Variants in GDAP1 observed in about 807,000 individuals in gnomAD.
The protein encoded by GDAP1 is ganglioside induced differentiation associated protein 1, also known as ganglioside-induced differentiation-associated protein 1.
In GDAP1, 34 loss-of-function variants were observed where a neutral mutation model predicts 40.1. The observed-to-expected ratio is 0.85, with a 90% CI of 0.64 to 1.13. The LOEUF (loss-of-function observed/expected upper bound fraction) is 1.13. Ranked by LOEUF, GDAP1 falls within the 50% of genes most tolerant of loss-of-function variation. The pLI, the probability that GDAP1 is intolerant of heterozygous loss-of-function variation, is 0.00. For missense variants in GDAP1, 374 were observed against 433.7 expected (o/e 0.86, Z 1.22); for synonymous variants, 170 against 157.4 (o/e 1.08, Z -0.60).
Position 74,398,180 on chromosome 8 carries a change from T to A in GDAP1, c.165+46859T>A, listed in dbSNP as rs184524329. On this transcript the variant is annotated intron_variant, in intron 2 of 2. Coordinates refer to the GDAP1 transcript ENST00000523640. ...TTTGTCTGTTATTGGTGTATAAGAA[T>A]GCTTGTGATTTTTGTACATGTTCAT... Among the ~76,000 whole-genome samples, 14 of 152,328 alleles carry A rather than the reference T, an allele frequency of 9.2e-5. No individual in the cohort carries two copies. The East Asian group carries it at 2.7e-3, about 29-fold the overall frequency.
At chr8:74,422,332 TCTTTCTTTCTTTCTTTCTTC>T (rs1349149314) in intron 2 of GDAP1, among the ~76,000 whole-genome samples, 105 of 64,302 alleles carry the variant, frequency 1.6e-3, no homozygotes, top group African/African-American at 6.1e-3. Context: ...TTTCTTTCTT[TCTTTCTTTCTTTCTTTCTTC>T]CCTTCCTTCC....
intron 2 of GDAP1, among the ~76,000 whole-genome samples, chr8:74,428,633 A>ATTT (rs1195348725): frequency 0.071 from 3,058 of 42,800 alleles, 964 homozygotes; most frequent in African/African-American, 0.19. Flanking sequence ...CACCCGGCTA[A>ATTT]TTTTTTTTTT....
chr8:74,442,089 A>G (rs1806169061), intron 2 of GDAP1, among the ~76,000 whole-genome samples: 3 of 152,222 alleles, frequency 2.0e-5, no homozygotes, highest in Non-Finnish European at 1.5e-5. Context: ...AAAAACTGTT[A>G]AGCTAAGTTA....
chr8:74,401,897 C>G (rs1810348294), intron 2 of GDAP1, among the ~76,000 whole-genome samples: 1 of 150,082 alleles, frequency 6.7e-6, no homozygotes, highest in South Asian at 2.1e-4. Context: ...ATGCTGCTGT[C>G]TGATCGTTCC....
chr8:74,361,864 CA>C lies in GDAP1; in HGVS notation c.485-16del. The C allele has an allele frequency of 7.1e-7, 1 of 1,400,114 alleles. No homozygotes were observed. Among genetic ancestry groups the C allele is most frequent in the African/African-American group, 1.4e-5 (1 of 71,914 alleles). The allele number at this position is 1,400,114 out of a possible 1,614,324, so 86.7% of individuals were successfully genotyped here. A position where few individuals can be genotyped will look rare whatever the true frequency, so the allele number is the denominator to read the frequency against. ...AAGGGAGAAAATAATTTTCTGTTTC[CA>C]AAATGTTTTTATTATCAGGCCAAAT... On this transcript the variant is annotated intron_variant, in intron 3 of 5. Transcript: ENST00000220822.
intron 2 of GDAP1, among the ~76,000 whole-genome samples, chr8:74,461,501 C>A (rs1806399849): frequency 6.6e-6 from 1 of 152,172 alleles, no homozygotes; most frequent in Non-Finnish European, 1.5e-5. Flanking sequence ...CAACACAATT[C>A]AAAGTGCCCA....
chr8:74,424,321 G>A (rs1284063390), intron 2 of GDAP1, among the ~76,000 whole-genome samples: 6 of 152,098 alleles, frequency 3.9e-5, no homozygotes, highest in East Asian at 1.9e-4. Flanking sequence ...ATCCACGGAT[G>A]TAGAACCCAT....
At position 74,362,995 on chromosome 8, in the gene GDAP1, G is replaced by A; in HGVS notation, c.636G>A (p.Leu212=). ...ATTTGAAGAAAATTCTTGATGAGTT[G>A]GAGAAAGTCTTGGATCAGGTTGAAA... ...VKYLKKILDE[L]EKVLDQVETE... is the part of the protein sequence containing the mutation. Residue 212 remains leucine, a synonymous_variant, in exon 5 of 6, where the codon TTG becomes TTA. Transcript: ENST00000220822. 6.3e-7 allele frequency: 1 copy of A among 1,597,596 alleles called. No individual in the cohort carries two copies. Among genetic ancestry groups the A allele is most frequent in the Non-Finnish European group, 8.6e-7 (1 of 1,165,396 alleles).
At chr8:74,466,213 G>A (rs1220917942) in intron 2 of GDAP1, among the ~76,000 whole-genome samples, 1 of 152,200 alleles carries the variant, frequency 6.6e-6, no homozygotes, top group East Asian at 1.9e-4. Flanking sequence ...AAAGGATATT[G>A]AGTATCTCTG....
intron 2 of GDAP1, among the ~76,000 whole-genome samples, chr8:74,412,938 G>A (rs1295941746): frequency 4.1e-5 from 6 of 147,818 alleles, no homozygotes; most frequent in South Asian, 2.1e-4. Context: ...GTGGTGGCAC[G>A]TGCCTGTAGT....
chr8:74,352,420 A>AG (rs11419362), intron 2 of GDAP1, among the ~76,000 whole-genome samples: 151,381 of 152,336 alleles, frequency 0.99, 75,222 homozygotes, highest in East Asian at 1. Context: ...TTAATAGGGT[A>AG]GGTGAAAGCA....
At chr8:74,450,068 A>C (rs1806277937) in intron 2 of GDAP1, among the ~76,000 whole-genome samples, 1 of 141,852 alleles carries the variant, frequency 7.0e-6, no homozygotes, top group South Asian at 2.5e-4. Context: ...ATCATTATTC[A>C]GTTTGAAATA....
At chr8:74,352,845 A>G (rs1476581953) in intron 2 of GDAP1, among the ~76,000 whole-genome samples, 1 of 152,190 alleles carries the variant, frequency 6.6e-6, no homozygotes, top group Non-Finnish European at 1.5e-5. Flanking sequence ...AATGGAACAA[A>G]ACAAAATAAT....
intron 2 of GDAP1, among the ~76,000 whole-genome samples, chr8:74,375,561 A>G (rs1809839418): frequency 6.6e-6 from 1 of 152,238 alleles, no homozygotes; most frequent in African/African-American, 2.4e-5. Context: ...AAATGCAGAA[A>G]AAGATTTGAT....
rs190681058 is a variant in GDAP1, at chr8:74,472,365, C to T, written c.166-16313C>T. Among the ~76,000 whole-genome samples, 579 of 152,258 alleles carry T rather than the reference C, an allele frequency of 3.8e-3. 2 individuals carry two copies. The highest frequency in any genetic ancestry group is 0.013 in the African/African-American group (557 of 41,546). ...ATGGACATTTAGGTTGATTCCATGT[C>T]TTTGCTATTGTGAATAGTGCTGCAA... is the stretch of plus-strand genomic sequence containing the variant. On this transcript the variant is annotated intron_variant, in intron 2 of 2. Transcript: ENST00000523640.
intron 2 of GDAP1, among the ~76,000 whole-genome samples, chr8:74,412,464 GTCAA>G (rs1280324283): frequency 6.7e-6 from 1 of 149,946 alleles, no homozygotes; most frequent in Admixed American, 6.6e-5. Context: ...CGCAGCAAGT[GTCAA>G]TCAAAGAATA....
chr8:74,443,699 C>T (rs1287205476), intron 2 of GDAP1, among the ~76,000 whole-genome samples: 1 of 152,166 alleles, frequency 6.6e-6, no homozygotes, highest in African/African-American at 2.4e-5. Context: ...TGATCCAGCA[C>T]CCCAGCTATG....
intron 2 of GDAP1, among the ~76,000 whole-genome samples, chr8:74,352,175 T>G (rs1255164376): frequency 6.6e-6 from 1 of 152,214 alleles, no homozygotes; most frequent in Non-Finnish European, 1.5e-5. Context: ...TCCAAAGCCT[T>G]CATACTACAC....
rs1429347504 is a variant in GDAP1 at position 74,366,046 on chromosome 8, A to T, written c.*1679A>T. On this transcript the variant is annotated 3_prime_UTR_variant, in exon 6 of 6. Transcript: ENST00000220822. ...AAATAAGAATTGGATTTTTATAAAAACCTCTGAAGGATATTTACCTATGAA... is the reference window on the plus strand; with the variant it reads ...AAATAAGAATTGGATTTTTATAAAATCCTCTGAAGGATATTTACCTATGAA... 1 of 447,664 alleles carries T rather than the reference A, an allele frequency of 2.2e-6. No individual in the cohort carries two copies. Among genetic ancestry groups the T allele is most frequent in the Non-Finnish European group, 4.4e-6 (1 of 225,152 alleles). The allele number at this position is 447,664 out of a possible 1,614,324, so 27.7% of individuals were successfully genotyped here. A position where few individuals can be genotyped will look rare whatever the true frequency, so the allele number is the denominator to read the frequency against.
Sources: allele counts gnomAD v4.1 joint callset (sites outside exome capture counted in the v4.1 genomes callset), GRCh38; gene constraint gnomAD v4.1.1; transcripts MANE v1.5; gene names NCBI Gene and HGNC (gene_info 2026-07-23, HGNC 2026-07-21).